Variants in CLVS1 observed in about 807,000 individuals in gnomAD.
CLVS1 encodes clavesin-1.
Under a neutral mutation model 33.1 loss-of-function variants are expected in CLVS1, and 10 were observed. That is an observed-to-expected ratio of 0.30 (90% CI 0.19 to 0.51). CLVS1 has a LOEUF of 0.51. Ranked by LOEUF, CLVS1 falls within the 20% of genes least tolerant of loss-of-function variation. The pLI, the probability that CLVS1 is intolerant of heterozygous loss-of-function variation, is 0.97. For synonymous variants in CLVS1, 163 were observed against 166.1 expected, an observed-to-expected ratio of 0.98 and a Z score of 0.14; for missense variants, 343 against 433.4, an observed-to-expected ratio of 0.79 and a Z score of 1.85.
intron 2 of CLVS1, among the ~76,000 whole-genome samples, chr8:61,231,210 T>C (rs1808425701): frequency 1.3e-5 from 2 of 152,084 alleles, no homozygotes; most frequent in African/African-American, 4.8e-5. Flanking sequence ...GCTGCCATTA[T>C]AAAAGCAGCA....
At chr8:61,423,627 CA>C (rs1815767840) in intron 3 of CLVS1, among the ~76,000 whole-genome samples, 1 of 152,034 alleles carries the variant, frequency 6.6e-6, no homozygotes. Context: ...AAGGATGTGT[CA>C]AAAAATAAGT....
chr8:61,146,370 A>G (rs1806418101), intron 2 of CLVS1, among the ~76,000 whole-genome samples: 1 of 152,178 alleles, frequency 6.6e-6, no homozygotes, highest in Non-Finnish European at 1.5e-5. Context: ...GAAAAGGAGG[A>G]AGGGGTTCCA....
the CLVS1 span, among the ~76,000 whole-genome samples, chr8:60,968,977 G>C: frequency 7.3e-5 from 11 of 151,636 alleles, no homozygotes; most frequent in Non-Finnish European, 2.9e-5. Flanking sequence ...CACAAAGGGG[G>C]TCCTAATGCA....
intron 2 of CLVS1, among the ~76,000 whole-genome samples, chr8:61,147,454 A>G (rs1430361065): frequency 6.6e-6 from 1 of 152,214 alleles, no homozygotes. Flanking sequence ...CTGAGCCACA[A>G]AGACATTTCT....
intron 2 of CLVS1, among the ~76,000 whole-genome samples, chr8:61,272,480 G>T (rs1809462536): frequency 6.6e-6 from 1 of 152,190 alleles, no homozygotes; most frequent in East Asian, 1.9e-4. Context: ...TCTTGGAGTT[G>T]CTCTTCTTGA....
At chr8:61,165,847 G>C (rs1806851667) in intron 2 of CLVS1, among the ~76,000 whole-genome samples, 1 of 152,138 alleles carries the variant, frequency 6.6e-6, no homozygotes, top group Non-Finnish European at 1.5e-5. Flanking sequence ...GACTCTTTTT[G>C]TTGACAATAG....
intron 1 of CLVS1, among the ~76,000 whole-genome samples, chr8:61,108,104 C>T (rs1364199079): frequency 1.3e-5 from 2 of 151,202 alleles, no homozygotes; most frequent in African/African-American, 2.4e-5. Flanking sequence ...CCCATCTCTA[C>T]TAAAAATACA....
At chr8:61,305,287 A>T (rs1038624734) in intron 2 of CLVS1, among the ~76,000 whole-genome samples, 1 of 151,980 alleles carries the variant, frequency 6.6e-6, no homozygotes, top group Non-Finnish European at 1.5e-5. Flanking sequence ...GTTCAGTGGC[A>T]GTACCTACGT....
intron 2 of CLVS1, among the ~76,000 whole-genome samples, chr8:61,277,971 A>G (rs1027724948): frequency 6.6e-6 from 1 of 152,204 alleles, no homozygotes; most frequent in African/African-American, 2.4e-5. Flanking sequence ...AAGCTTGTTA[A>G]TGTAGAGTCC....
chr8:61,428,515 T>C (rs1259631013), intron 3 of CLVS1, among the ~76,000 whole-genome samples: 1 of 152,242 alleles, frequency 6.6e-6, no homozygotes, highest in African/African-American at 2.4e-5. Context: ...CTTCTGAGAA[T>C]TGTTCCCTTT....
intron 2 of CLVS1, among the ~76,000 whole-genome samples, chr8:61,132,044 C>G (rs1488755441): frequency 6.6e-6 from 1 of 152,214 alleles, no homozygotes; most frequent in Non-Finnish European, 1.5e-5. Context: ...GGGAGGTCAT[C>G]AAGGGTGCCA....
intron 3 of CLVS1, among the ~76,000 whole-genome samples, chr8:61,400,133 C>A (rs187165236): frequency 1.3e-5 from 2 of 152,268 alleles, no homozygotes; most frequent in Admixed American, 1.3e-4. Context: ...GCAGTGTGGC[C>A]ATTTTCACAA....
intron 1 of CLVS1, among the ~76,000 whole-genome samples, chr8:61,077,441 GTATTATTATTATTATTATTATTATTAT>G (rs57149995): frequency 5.1e-4 from 70 of 138,324 alleles, no homozygotes; most frequent in African/African-American, 1.5e-3. Context: ...CCCTCTAAAA[GTATTATTATTATTATTATTATTATTAT>G]TATTATTATT....
At chr8:61,059,498 A>ATATATATATATATATATATATT (rs1585578146) in intron 1 of CLVS1, among the ~76,000 whole-genome samples, 1 of 126,610 alleles carries the variant, frequency 7.9e-6, no homozygotes, top group Non-Finnish European at 1.7e-5. Flanking sequence ...ATATATATAT[A>ATATATATATATATATATATATT]TACACATATC....
chr8:60,980,311 T>C, the CLVS1 span, among the ~76,000 whole-genome samples: 4 of 152,238 alleles, frequency 2.6e-5, no homozygotes, highest in South Asian at 8.3e-4. Context: ...TGGATGTGTA[T>C]TTAATTTAAT....
chr8:61,334,627 TC>T (rs1034203677), intron 2 of CLVS1, among the ~76,000 whole-genome samples: 5 of 152,174 alleles, frequency 3.3e-5, no homozygotes, highest in Admixed American at 3.3e-4. Flanking sequence ...GTGAAGTATT[TC>T]CCTACAATGT....
At chr8:61,087,855 C>G (rs1190544509) in intron 1 of CLVS1, among the ~76,000 whole-genome samples, 1 of 152,108 alleles carries the variant, frequency 6.6e-6, no homozygotes, top group Non-Finnish European at 1.5e-5. Flanking sequence ...ATTTAATAAA[C>G]CCCATGAATC....
intron 2 of CLVS1, among the ~76,000 whole-genome samples, chr8:61,360,367 A>G (rs1380363183): frequency 6.6e-6 from 1 of 152,226 alleles, no homozygotes; most frequent in African/African-American, 2.4e-5. Flanking sequence ...CTGACTATGG[A>G]AAGCATCCCA....
chr8:61,080,197 A>G (rs1804996437), intron 1 of CLVS1, among the ~76,000 whole-genome samples: 1 of 152,238 alleles, frequency 6.6e-6, no homozygotes, highest in Non-Finnish European at 1.5e-5. Context: ...CTTAAGGTGC[A>G]TAATTTATAG....
Sources: gnomAD v4.1 joint callset for allele counts (sites outside exome capture counted in the v4.1 genomes callset) on GRCh38, gnomAD v4.1.1 for gene constraint, MANE v1.5 for transcripts, NCBI Gene and HGNC (gene_info 2026-07-23, HGNC 2026-07-21) for gene names.